COL23A1: variants seen among roughly 807,000 people sequenced by gnomAD.
The protein encoded by COL23A1 is collagen type XXIII alpha 1 chain.
A neutral mutation model predicts 99.3 loss-of-function variants in COL23A1; 97 were observed. The ratio of observed to expected loss-of-function variants is 0.98; its 90% confidence interval spans 0.83 to 1.16. The LOEUF (loss-of-function observed/expected upper bound fraction) is 1.16. Ranked by LOEUF, COL23A1 falls within the 50% of genes most tolerant of loss-of-function variation. COL23A1 has a pLI of 0.00. For missense variants in COL23A1, 762 were observed against 757.4 expected (o/e 1.01, Z -0.07); for synonymous variants, 320 against 308.2 (o/e 1.04, Z -0.40).
intron 2 of COL23A1, among the ~76,000 whole-genome samples, chr5:178,497,413 T>G (rs1171599134): frequency 1.3e-5 from 2 of 152,190 alleles, no homozygotes; most frequent in African/African-American, 4.8e-5. Flanking sequence ...AAATCTGACC[T>G]GGAGGAAAAA....
rs373972734 is a variant in COL23A1, at chr5:178,468,175, C to T, written c.361+92507G>A. 6.6e-6 allele frequency among the ~76,000 whole-genome samples: 1 copy of T among 151,914 alleles called. No individual in the cohort carries two copies. Among genetic ancestry groups the T allele is most frequent in the Admixed American group, 6.6e-5 (1 of 15,266 alleles). Reference sequence around the variant, plus strand: ...GCTTTGGGGTGTGCTTGTGTGTTCACGGAGGATGAACACACCCACCCAGAC... The same window carrying T: ...GCTTTGGGGTGTGCTTGTGTGTTCATGGAGGATGAACACACCCACCCAGAC... On this transcript the variant is annotated intron_variant, in intron 2 of 28. Coordinates refer to ENST00000390654, the MANE Select transcript of COL23A1 (RefSeq NM_173465.4). This position sits in a 1 kb window ranked among gnomAD's most constrained non-coding sequence, Gnocchi z 4.2.
At chr5:178,513,017 G>A (rs1759294386) in intron 2 of COL23A1, among the ~76,000 whole-genome samples, 1 of 152,198 alleles carries the variant, frequency 6.6e-6, no homozygotes. Context: ...AGTGGCAAAG[G>A]GAGCTTGAGA....
intron 2 of COL23A1, among the ~76,000 whole-genome samples, chr5:178,373,667 C>T (rs1251504675): frequency 6.6e-6 from 1 of 152,194 alleles, no homozygotes; most frequent in Non-Finnish European, 1.5e-5. Context: ...CCGCCTGCCT[C>T]AGCCTCCCAA....
intron 27 of COL23A1, 26 bp from the exon 28 acceptor site, chr5:178,239,205 TG>T: frequency 6.2e-7 from 1 of 1,613,744 alleles, no homozygotes; most frequent in Non-Finnish European, 8.5e-7. Flanking sequence ...GTTTCAGTGA[TG>T]GGGATGGGGC....
At chr5:178,501,450 G>A (rs1299341195) in intron 2 of COL23A1, among the ~76,000 whole-genome samples, 1 of 151,990 alleles carries the variant, frequency 6.6e-6, no homozygotes, top group Admixed American at 6.6e-5. Context: ...GCATGGTGGC[G>A]GGCGTCTGCA....
In COL23A1 at chr5:178,366,308, G is replaced by A. The variant is rs983653248; in HGVS notation, c.362-59389C>T. 2.6e-5 allele frequency among the ~76,000 whole-genome samples: 4 copies of A among 152,326 alleles called. No individual in the cohort carries two copies. The highest frequency in any genetic ancestry group is 4.4e-5 in the Non-Finnish European group (3 of 68,026). ...GCCCGAGGTTCCCTCTGCACCCCAC[G>A]ATGGGCGCTGCGTCCTCCATCCTCT... On this transcript the variant is annotated intron_variant, in intron 2 of 28. Transcript: ENST00000390654. The surrounding 1 kb of genome is among the most constrained non-coding windows in gnomAD (Gnocchi z 4.4).
At chr5:178,252,627 C>T in intron 16 of COL23A1, 30 bp from the exon 17 acceptor site, 3 of 1,593,594 alleles carry the variant, frequency 1.9e-6, no homozygotes, top group Non-Finnish European at 2.6e-6. Context: ...CGGTCAGTGT[C>T]ATGGGTTAGG....
chr5:178,241,293 T>A (rs907280888), intron 27 of COL23A1, among the ~76,000 whole-genome samples: 3 of 151,982 alleles, frequency 2.0e-5, no homozygotes, highest in Non-Finnish European at 2.9e-5. Flanking sequence ...CCACTGGGGC[T>A]GGTGGGCTGC....
chr5:178,344,226 C>T (rs566323854), intron 2 of COL23A1, among the ~76,000 whole-genome samples: 10 of 152,344 alleles, frequency 6.6e-5, no homozygotes, highest in African/African-American at 2.4e-4. Flanking sequence ...CCTATTTGCA[C>T]ATAGCTTACA....
chr5:178,523,181 CATATATATAT>C (rs375162340), intron 2 of COL23A1, among the ~76,000 whole-genome samples: 4 of 90,450 alleles, frequency 4.4e-5, no homozygotes, highest in African/African-American at 1.5e-4. Flanking sequence ...TATATATACA[CATATATATAT>C]ATATATATAT....
At position 178,299,856 on chromosome 5, in the gene COL23A1, C is replaced by T. The variant is rs183683134; in HGVS notation, c.406+7019G>A. ...GCAACCTCTGCCTCCTGGGTTCAAG[C>T]GATTCTCCTGCCTCAGCCTCCCGAG... On this transcript the variant is annotated intron_variant, in intron 3 of 28. Transcript: ENST00000390654. 4.0e-3 allele frequency among the ~76,000 whole-genome samples: 594 copies of T among 149,604 alleles called. 5 individuals carry two copies. Among genetic ancestry groups the T allele is most frequent in the African/African-American group, 0.014 (572 of 40,596 alleles).
At chr5:178,464,138 T>C (rs1030283171) in intron 2 of COL23A1, among the ~76,000 whole-genome samples, 1 of 152,224 alleles carries the variant, frequency 6.6e-6, no homozygotes, top group African/African-American at 2.4e-5. Flanking sequence ...CGATACCTTG[T>C]GGCCATCACC....
intron 2 of COL23A1, among the ~76,000 whole-genome samples, chr5:178,494,231 G>A (rs892936508): frequency 3.9e-5 from 6 of 152,164 alleles, no homozygotes; most frequent in South Asian, 2.1e-4. Context: ...TTCATTCTCC[G>A]ACAAGGACAT....
intron 1 of COL23A1, among the ~76,000 whole-genome samples, chr5:178,568,648 T>G (rs560569296): frequency 2.6e-5 from 4 of 152,264 alleles, no homozygotes; most frequent in Non-Finnish European, 5.9e-5. Flanking sequence ...GGGATTTATC[T>G]ATTCTGTATA....
intron 1 of COL23A1, among the ~76,000 whole-genome samples, chr5:178,584,976 G>A (rs1222211124): frequency 6.6e-6 from 1 of 152,248 alleles, no homozygotes; most frequent in East Asian, 1.9e-4. Flanking sequence ...CACTCACTTC[G>A]GGGGCAGAAC....
intron 2 of COL23A1, among the ~76,000 whole-genome samples, chr5:178,382,120 C>T (rs1275411431): frequency 6.6e-6 from 1 of 152,116 alleles, no homozygotes; most frequent in Non-Finnish European, 1.5e-5. Context: ...GTGGGGCATT[C>T]TGGCACAGTC....
intron 2 of COL23A1, among the ~76,000 whole-genome samples, chr5:178,508,457 T>A (rs879768864): frequency 1.3e-5 from 2 of 152,212 alleles, no homozygotes; most frequent in Admixed American, 1.3e-4. Context: ...TTATAAAATA[T>A]TCAGAGTCTG....
chr5:178,548,400 G>GT (rs1469961880), intron 2 of COL23A1, among the ~76,000 whole-genome samples: 13 of 152,112 alleles, frequency 8.5e-5, no homozygotes, highest in African/African-American at 3.1e-4. Context: ...ATCCTGGCAA[G>GT]TGGCACCAGT....
rs1323804301 is a variant in COL23A1 at position 178,439,733 on chromosome 5, A to G, written c.361+120949T>C. ...CCGGGAGAAATGAAAACATACGTCC[A>G]TACAACTCAGATGCAAATGCTCATA... On this transcript the variant is annotated intron_variant, in intron 2 of 28. Coordinates refer to ENST00000390654, the MANE Select transcript of COL23A1 (RefSeq NM_173465.4). This position sits in a 1 kb window ranked among gnomAD's most constrained non-coding sequence, Gnocchi z 4.2. 6.6e-6 allele frequency: 1 copy of G among 152,264 alleles called. No individual in the cohort carries two copies. The highest frequency in any genetic ancestry group is 1.5e-5 in the Non-Finnish European group (1 of 68,050). The allele number at this position is 152,264 out of a possible 1,614,324, so 9.4% of individuals were successfully genotyped here.
Sources: gnomAD v4.1 joint callset for allele counts (sites outside exome capture counted in the v4.1 genomes callset) on GRCh38, gnomAD v4.1.1 for gene constraint, Gnocchi (gnomAD v3.1) non-coding constraint, MANE v1.5 for transcripts, NCBI Gene and HGNC (gene_info 2026-07-23, HGNC 2026-07-21) for gene names.